The following CUBN variants were observed in gnomAD, a reference collection of about 807,000 sequenced individuals.
The protein encoded by CUBN is 460 kDa receptor.
CUBN carries 282 observed loss-of-function variants against 405.3 expected under a neutral mutation model. That is an observed-to-expected ratio of 0.70 (90% CI 0.63 to 0.77). The LOEUF is 0.77. CUBN is among the 30% of genes least tolerant of loss of function. The pLI, the probability that CUBN is intolerant of heterozygous loss-of-function variation, is 0.00. For missense variants in CUBN, 4,514 were observed against 4,475.2 expected, an observed-to-expected ratio of 1.01 and a Z score of -0.25; for synonymous variants, 1,684 against 1,617.0, an observed-to-expected ratio of 1.04 and a Z score of -0.99.
At position 16,825,033 on chromosome 10, in the gene CUBN, T is replaced by C. The variant is rs953391624; in HGVS notation, c.10814A>G (p.Lys3605Arg). 7.4e-6 allele frequency: 12 copies of C among 1,613,876 alleles called. No individual in the cohort carries two copies. Among genetic ancestry groups the C allele is most frequent in the Non-Finnish European group, 1.0e-5 (12 of 1,179,924 alleles). Residue 3605 changes from lysine (K) to arginine (R), a missense_variant, in exon 67 of 67, where the codon AAA (lysine) becomes AGA (arginine). By Grantham distance (26) the Lys-to-Arg change is conservative. Transcript: ENST00000377833. ...ACGCCGTGCATAATCAGCATGAAAT[T>C]TTATGAAGACCTGATTTGAGGAAGC... ...FVASSNQVFI[K>R]FHADYARRPS...
At chr10:17,059,903 T>A (rs1835466478) in intron 22 of CUBN, among the ~76,000 whole-genome samples, 1 of 152,202 alleles carries the variant, frequency 6.6e-6, no homozygotes, top group Non-Finnish European at 1.5e-5. Context: ...ACAACTCTAA[T>A]GTAATTTTCA....
intron 54 of CUBN, among the ~76,000 whole-genome samples, chr10:16,897,996 A>C (rs1841240200): frequency 1.3e-5 from 2 of 151,868 alleles, no homozygotes; most frequent in South Asian, 4.1e-4. Flanking sequence ...TCATTTCATG[A>C]GAAGAGAGTT....
chr10:16,857,780 A>G (rs1362807403), intron 59 of CUBN, among the ~76,000 whole-genome samples: 1 of 152,222 alleles, frequency 6.6e-6, no homozygotes, highest in South Asian at 2.1e-4. Context: ...AACGATATTG[A>G]TTTCACACCC....
Position 17,126,775 on chromosome 10 carries a change from G to T in CUBN, c.373C>A (p.Gln125Lys). ...ATGAGACCTACCTGCTGCAAGCCTT[G>T]GAATTTTCTCTCAAGATCCACCAGC... ...SKLVDLERKF[Q>K]GLQQTVDKKV... The change falls in exon 4 of 67, where the codon CAA becomes AAA. Residue 125 changes from glutamine to lysine, a missense_variant. Coordinates refer to ENST00000377833, the MANE Select transcript of CUBN (RefSeq NM_001081.4). 1 of 1,614,140 alleles carries T rather than the reference G, an allele frequency of 6.2e-7. No individual in the cohort carries two copies. Among genetic ancestry groups the T allele is most frequent in the Non-Finnish European group, 8.5e-7 (1 of 1,180,014 alleles).
In CUBN at chr10:16,982,442, G is replaced by A. The variant is rs41289309; in HGVS notation, c.4695+42C>T. 100,893 of 1,557,258 alleles carry A rather than the reference G, an allele frequency of 0.065. 4,418 individuals are homozygous for A. Among genetic ancestry groups the A allele is most frequent in the African/African-American group, 0.21 (15,622 of 74,268 alleles). On this transcript the variant is annotated intron_variant, in intron 31 of 66. Coordinates refer to ENST00000377833, the MANE Select transcript of CUBN (RefSeq NM_001081.4). ...ATGCTTATATGGCAGTGTTTTGACC[G>A]AGGTTTGACTGGAGACAATGCTTGA...
At chr10:17,051,409 A>G (rs890484568) in intron 22 of CUBN, among the ~76,000 whole-genome samples, 2 of 152,100 alleles carry the variant, frequency 1.3e-5, no homozygotes, top group Non-Finnish European at 2.9e-5. Flanking sequence ...CAAGAAAAGA[A>G]ATGTCATCAG....
chr10:17,118,712 C>T (rs1268344677), intron 6 of CUBN, among the ~76,000 whole-genome samples: 3 of 152,228 alleles, frequency 2.0e-5, no homozygotes, highest in Non-Finnish European at 4.4e-5. Context: ...GCTGGGATTA[C>T]AGGTGTGAGC....
chr10:16,947,558 A>C (rs528578411), intron 35 of CUBN, among the ~76,000 whole-genome samples, 191 bp from the exon 36 acceptor site: 3 of 152,370 alleles, frequency 2.0e-5, no homozygotes, highest in African/African-American at 7.2e-5. Context: ...AGGGCCATGC[A>C]GTGTGGTGGA....
At chr10:16,950,148 T>G (rs757992239) in intron 33 of CUBN, 37 bp from the exon 34 acceptor site, 2 of 1,483,782 alleles carry the variant, frequency 1.3e-6, no homozygotes, top group African/African-American at 2.8e-5. Context: ...CGTAAAGTAC[T>G]GGCAAATAAA....
At chr10:17,107,146 A>T (rs35030206) in intron 10 of CUBN, among the ~76,000 whole-genome samples, 20,491 of 152,276 alleles carry the variant, frequency 0.13, 1,700 homozygotes, top group Middle Eastern at 0.3. Context: ...AATAGCTAAC[A>T]ATAGTTTTAG....
intron 31 of CUBN, among the ~76,000 whole-genome samples, chr10:16,958,568 T>A (rs1422948854): frequency 6.6e-6 from 1 of 152,158 alleles, no homozygotes; most frequent in Non-Finnish European, 1.5e-5. Flanking sequence ...TCAAATTATA[T>A]ACCAATGACA....
At chr10:16,866,687 T>A (rs1840194167) in intron 59 of CUBN, among the ~76,000 whole-genome samples, 1 of 152,206 alleles carries the variant, frequency 6.6e-6, no homozygotes, top group Non-Finnish European at 1.5e-5. Flanking sequence ...ATTTTGCTGG[T>A]TGTCAGCCAT....
At chr10:17,034,694 C>T (rs562587150) in intron 27 of CUBN, among the ~76,000 whole-genome samples, 1 of 152,238 alleles carries the variant, frequency 6.6e-6, no homozygotes, top group South Asian at 2.1e-4. Flanking sequence ...GGACTTTATC[C>T]TCCCACCTCA....
chr10:17,035,750 CT>C (rs1834882173), intron 27 of CUBN, among the ~76,000 whole-genome samples: 1 of 151,828 alleles, frequency 6.6e-6, no homozygotes, highest in South Asian at 2.1e-4. Context: ...AAACCAAGTA[CT>C]GCATGTTCTC....
At chr10:16,971,397 G>T (rs1832930039) in intron 31 of CUBN, among the ~76,000 whole-genome samples, 1 of 152,190 alleles carries the variant, frequency 6.6e-6, no homozygotes, top group African/African-American at 2.4e-5. Flanking sequence ...CCTTGCCAGG[G>T]CATTGCCTGG....
At chr10:17,053,351 T>G (rs571206924) in intron 22 of CUBN, among the ~76,000 whole-genome samples, 1 of 152,028 alleles carries the variant, frequency 6.6e-6, no homozygotes, top group South Asian at 2.1e-4. Context: ...TATATAATGG[T>G]GAAACTAAGT....
intron 36 of CUBN, among the ~76,000 whole-genome samples, chr10:16,942,103 C>G (rs1360166479): frequency 6.6e-6 from 1 of 152,092 alleles, no homozygotes; most frequent in East Asian, 1.9e-4. Flanking sequence ...AACTTAAATA[C>G]CACAGTCAGA....
chr10:16,945,285 A>G (rs1164469923), intron 36 of CUBN, among the ~76,000 whole-genome samples: 2 of 152,236 alleles, frequency 1.3e-5, no homozygotes, highest in Non-Finnish European at 2.9e-5. Flanking sequence ...TCTAAGGACA[A>G]TGATGGTGTT....
rs372486620 is a variant in CUBN, at chr10:17,069,457, T to C, written c.2626-687A>G. On this transcript the variant is annotated intron_variant, in intron 19 of 66. Coordinates refer to ENST00000377833, the MANE Select transcript of CUBN (RefSeq NM_001081.4). ...AGTTTACATCTCCACCAGGAGTGTA[T>C]AAAGGTTCCAATTTCTCCACATCCT... is the stretch of plus-strand genomic sequence containing the variant. 5.1e-3 allele frequency among the ~76,000 whole-genome samples: 289 copies of C among 56,148 alleles called. 2 individuals are homozygous for C. The highest frequency in any genetic ancestry group is 8.9e-3 in the African/African-American group (277 of 31,258). The allele number at this position is 56,148 out of a possible 152,430, so 36.8% of individuals were successfully genotyped here.
Sources: gnomAD v4.1 joint callset for allele counts (sites outside exome capture counted in the v4.1 genomes callset) on GRCh38, gnomAD v4.1.1 for gene constraint, MANE v1.5 for transcripts, NCBI Gene and HGNC (gene_info 2026-07-23, HGNC 2026-07-21) for gene names.